OSCP1: variants seen among roughly 807,000 people sequenced by gnomAD.
OSCP1 encodes organic solute carrier partner 1.
Under a neutral mutation model 45.1 loss-of-function variants are expected in OSCP1, and 35 were observed. That is an observed-to-expected ratio of 0.78 (90% CI 0.59 to 1.03). The LOEUF (loss-of-function observed/expected upper bound fraction) is 1.03. OSCP1 is among the 50% of genes least tolerant of loss of function. OSCP1 has a pLI of 0.00. For synonymous variants in OSCP1, 179 were observed against 180.1 expected (o/e 0.99, Z 0.05); for missense variants, 400 against 470.7 (o/e 0.85, Z 1.39).
chr1:36,422,053 G>T, intron 7 of OSCP1, 97 bp downstream of exon 7: 1 of 1,183,624 alleles, frequency 8.4e-7, no homozygotes, highest in Non-Finnish European at 1.3e-6. Flanking sequence ...GGAAATGTTG[G>T]CTAGATCCGA....
In OSCP1 at chr1:36,450,326, C is replaced by T. The variant is rs978058314; in HGVS notation, c.44G>A (p.Gly15Glu). The change falls in exon 1 of 10, where the codon GGG becomes GAG. Residue 15 changes from glycine (G) to glutamate (E), a missense_variant. Coordinates refer to ENST00000235532, the MANE Select transcript of OSCP1 (RefSeq NM_145047.5). ...TLPLLFLNLG[G>E]EMLYILDQRL... is the part of the protein sequence containing the mutation. Reference sequence around the variant, plus strand: ...TTGGTCGAGGATGTAAAGCATCTCCCCGCCCAAGTTCAAGAAGAGCAGCGG... The same window carrying T: ...TTGGTCGAGGATGTAAAGCATCTCCTCGCCCAAGTTCAAGAAGAGCAGCGG... 1.2e-6 allele frequency: 2 copies of T among 1,613,886 alleles called. No individual in the cohort carries two copies. Among genetic ancestry groups the T allele is most frequent in the Non-Finnish European group, 1.7e-6 (2 of 1,179,954 alleles).
At chr1:36,429,332 G>T (rs1648190064) in intron 4 of OSCP1, among the ~76,000 whole-genome samples, 1 of 151,354 alleles carries the variant, frequency 6.6e-6, no homozygotes, top group Non-Finnish European at 1.5e-5. Context: ...GCTGCAGTGA[G>T]CCATGATTGT....
At chr1:36,435,091 C>CTTTTTTTT (rs201268337) in intron 2 of OSCP1, among the ~76,000 whole-genome samples, 7 of 125,746 alleles carry the variant, frequency 5.6e-5, no homozygotes, top group Non-Finnish European at 1.0e-4. Context: ...TTTTCTTTTT[C>CTTTTTTTT]TTTTTTTTTT....
At chr1:36,442,411 T>C (rs942690947) in intron 1 of OSCP1, among the ~76,000 whole-genome samples, 10 of 152,202 alleles carry the variant, frequency 6.6e-5, no homozygotes, top group African/African-American at 2.4e-4. Context: ...CAATTATGTA[T>C]ATGAAAAGCT....
chr1:36,432,053 C>T (rs1648400743), intron 3 of OSCP1, among the ~76,000 whole-genome samples, 171 bp from the exon 4 acceptor site: 1 of 152,074 alleles, frequency 6.6e-6, no homozygotes, highest in South Asian at 2.1e-4. Context: ...TCCACGGTGA[C>T]AAAGCCTGTT....
At position 36,447,037 on chromosome 1, in the gene OSCP1, G is replaced by A. The variant is rs1649586121; in HGVS notation, c.112+3221C>T. The stretch of plus-strand genomic sequence containing the variant: ...GCCTTGGCCTTGTGGGAACAGGGAT[G>A]GCCTCCAGGAGACCAATTAGTCGTA... On this transcript the variant is annotated intron_variant, in intron 1 of 9. Coordinates refer to ENST00000235532, the MANE Select transcript of OSCP1 (RefSeq NM_145047.5). The surrounding 1 kb of genome is among the most constrained non-coding windows in gnomAD (Gnocchi z 4.1). Among the ~76,000 whole-genome samples, 1 of 152,192 alleles carries A rather than the reference G, an allele frequency of 6.6e-6. No individual in the cohort carries two copies. The highest frequency in any genetic ancestry group is 2.4e-5 in the African/African-American group (1 of 41,444).
At chr1:36,445,102 A>G (rs1375227649) in intron 1 of OSCP1, among the ~76,000 whole-genome samples, 3 of 152,198 alleles carry the variant, frequency 2.0e-5, no homozygotes, top group Non-Finnish European at 4.4e-5. Context: ...GTAATCCCAG[A>G]ACTTTGGGAG....
intron 8 of OSCP1, among the ~76,000 whole-genome samples, chr1:36,419,773 G>A (rs113175632): frequency 0.011 from 1,668 of 152,246 alleles, 16 homozygotes; most frequent in Admixed American, 0.02. Flanking sequence ...TTATTCAGCT[G>A]TTCTCTGATA....
In OSCP1 at chr1:36,418,060, T is replaced by C; in HGVS notation, c.*79A>G. On this transcript the variant is annotated 3_prime_UTR_variant, in exon 10 of 10. Transcript: ENST00000235532. ...ACTCAGTAGAAAACTAGCAGCATCATTCTGGGCCATGGGGCATTCCCCAGG... is the reference window on the plus strand; with the variant it reads ...ACTCAGTAGAAAACTAGCAGCATCACTCTGGGCCATGGGGCATTCCCCAGG... 2.7e-6 allele frequency: 3 copies of C among 1,127,578 alleles called. No homozygotes were observed. Among genetic ancestry groups the C allele is most frequent in the Non-Finnish European group, 3.9e-6 (3 of 762,214 alleles). 69.8% of individuals were successfully genotyped at this position (1,127,578 alleles called of 1,614,324 possible).
At chr1:36,442,828 G>A (rs754039600) in intron 1 of OSCP1, among the ~76,000 whole-genome samples, 7 of 151,986 alleles carry the variant, frequency 4.6e-5, no homozygotes, top group Non-Finnish European at 7.4e-5. Flanking sequence ...ACCACTTATC[G>A]TTTTATATTA....
chr1:36,429,989 G>T (rs950751541), intron 4 of OSCP1, among the ~76,000 whole-genome samples: 2 of 152,016 alleles, frequency 1.3e-5, no homozygotes, highest in African/African-American at 4.8e-5. Flanking sequence ...AGTAGAGACG[G>T]GGTTTCACCA....
At position 36,418,083 on chromosome 1, in the gene OSCP1, A is replaced by C; in HGVS notation, c.*56T>G. 1 of 1,466,020 alleles carries C rather than the reference A, an allele frequency of 6.8e-7. No individual in the cohort carries two copies. The highest frequency in any genetic ancestry group is 9.5e-7 in the Non-Finnish European group (1 of 1,049,914). 90.8% of individuals were successfully genotyped at this position (1,466,020 alleles called of 1,614,324 possible). On this transcript the variant is annotated 3_prime_UTR_variant, in exon 10 of 10. Transcript: ENST00000235532. The stretch of plus-strand genomic sequence containing the variant: ...CATTCTGGGCCATGGGGCATTCCCC[A>C]GGGGTCACCATCCAGCAGCCTCTCC...
Position 36,422,577 on chromosome 1 carries a change from G to A in OSCP1, c.749+191C>T, listed in dbSNP as rs113228877. 3.5e-3 allele frequency among the ~76,000 whole-genome samples: 527 copies of A among 152,270 alleles called. 5 individuals carry two copies. Among genetic ancestry groups the A allele is most frequent in the African/African-American group, 0.012 (485 of 41,550 alleles). ...ATCATGTATCTTTTCATTCTGTTGA[G>A]TTGCCTTATGTTTGGCGTTCCTGGG... On this transcript the variant is annotated intron_variant, in intron 6 of 9. Coordinates refer to ENST00000235532, the MANE Select transcript of OSCP1 (RefSeq NM_145047.5).
chr1:36,423,211 T>A, intron 5 of OSCP1, 152 bp downstream of exon 5: 1 of 738,282 alleles, frequency 1.4e-6, no homozygotes, highest in Non-Finnish European at 2.3e-6. Context: ...AAGGTGGGGA[T>A]TAGAACCTGA....
At chr1:36,433,131 A>G (rs1231481677) in intron 2 of OSCP1, among the ~76,000 whole-genome samples, 1 of 152,248 alleles carries the variant, frequency 6.6e-6, no homozygotes, top group Non-Finnish European at 1.5e-5. Context: ...ATTTTAAATG[A>G]TGAACTATGT....
At chr1:36,424,785 G>C (rs1647863667) in intron 4 of OSCP1, among the ~76,000 whole-genome samples, 1 of 152,122 alleles carries the variant, frequency 6.6e-6, no homozygotes, top group South Asian at 2.1e-4. Context: ...AGTTTTACTG[G>C]GTCTTGGCTT....
At chr1:36,444,052 A>T (rs1649359146) in intron 1 of OSCP1, 1 of 1,610,722 alleles carries the variant, frequency 6.2e-7, no homozygotes, top group Admixed American at 1.7e-5. Flanking sequence ...AGCATACAAA[A>T]AGAAAACACC....
At chr1:36,428,369 T>G (rs752280476) in intron 4 of OSCP1, 1 of 1,614,104 alleles carries the variant, frequency 6.2e-7, no homozygotes, top group South Asian at 1.1e-5. Context: ...GTATACATAA[T>G]GGAAAGTCAG....
At chr1:36,435,091 CTTTTTTTTTTT>C (rs201268337) in intron 2 of OSCP1, among the ~76,000 whole-genome samples, 1 of 125,748 alleles carries the variant, frequency 8.0e-6, no homozygotes, top group South Asian at 2.5e-4. Flanking sequence ...TTTTCTTTTT[CTTTTTTTTTTT>C]TTTTTTTTTG....
Sources: allele counts gnomAD v4.1 joint callset (sites outside exome capture counted in the v4.1 genomes callset), GRCh38; gene constraint gnomAD v4.1.1; non-coding constraint Gnocchi (gnomAD v3.1); transcripts MANE v1.5; gene names NCBI Gene and HGNC (gene_info 2026-07-23, HGNC 2026-07-21).